The following ZNF385D variants were observed in gnomAD, a reference collection of about 807,000 sequenced individuals.
ZNF385D encodes the protein zinc finger protein 385D, also known as zinc finger protein 659.
ZNF385D carries 15 observed loss-of-function variants against 35.8 expected under a neutral mutation model. The observed-to-expected ratio is 0.42, with a 90% confidence interval of 0.28 to 0.64. The LOEUF (loss-of-function observed/expected upper bound fraction) is 0.64, where lower values mean the gene tolerates loss of function less well. Among genes scored for constraint, ZNF385D ranks in the 30% least tolerant of loss-of-function variants. The probability of loss-of-function intolerance (pLI) is 0.23; values close to 1 mark genes in which losing one functional copy is unlikely to be tolerated. For missense variants in ZNF385D, 474 were observed against 494.6 expected, an observed-to-expected ratio of 0.96 and a Z score of 0.39; for synonymous variants, 212 against 186.8, an observed-to-expected ratio of 1.13 and a Z score of -1.10.
intron 7 of ZNF385D, among the ~76,000 whole-genome samples, chr3:21,422,450 A>G (rs891921168): frequency 1.3e-5 from 2 of 152,148 alleles, no homozygotes; most frequent in Admixed American, 1.3e-4. Context: ...AGATTATTTC[A>G]TCTCCCAAAA....
At chr3:22,091,049 T>A (rs141998674) in intron 3 of ZNF385D, among the ~76,000 whole-genome samples, 86 of 152,232 alleles carry the variant, frequency 5.6e-4, no homozygotes, top group African/African-American at 1.9e-3. Flanking sequence ...TGGGAGTGGA[T>A]TCAACAGGTG....
intron 2 of ZNF385D, among the ~76,000 whole-genome samples, chr3:22,272,339 A>G (rs1701220020): frequency 6.6e-6 from 1 of 152,028 alleles, no homozygotes; most frequent in African/African-American, 2.4e-5. Context: ...TATATCTCCA[A>G]TATCTAAATT....
chr3:21,731,577 A>T (rs6808462), intron 1 of ZNF385D, among the ~76,000 whole-genome samples: 74,898 of 152,056 alleles, frequency 0.49, 18,732 homozygotes, highest in Middle Eastern at 0.58. Context: ...GTAGGTTTGG[A>T]CAAATGTGTA....
chr3:21,561,140 C>CG (rs541145809), intron 3 of ZNF385D, among the ~76,000 whole-genome samples: 2 of 152,128 alleles, frequency 1.3e-5, no homozygotes, highest in African/African-American at 2.4e-5. Context: ...AGCCCCTTTC[C>CG]GGGGGAGTGA....
At chr3:21,973,963 T>G (rs1211744927) in intron 3 of ZNF385D, among the ~76,000 whole-genome samples, 2 of 152,032 alleles carry the variant, frequency 1.3e-5, no homozygotes, top group East Asian at 3.8e-4. Flanking sequence ...CACAGATTGG[T>G]AGAATATATA....
intron 3 of ZNF385D, among the ~76,000 whole-genome samples, chr3:21,893,618 C>T (rs953052331): frequency 1.3e-5 from 2 of 152,116 alleles, no homozygotes; most frequent in East Asian, 1.9e-4. Context: ...AATCAGTTAT[C>T]GTTAGAAGTT....
In ZNF385D at chr3:21,796,995, G is replaced by C. The variant is rs549734309; in HGVS notation, c.326-131967C>G. On this transcript the variant is annotated intron_variant, in intron 3 of 5. Transcript: ENST00000494108. ...GGGTGGCATGATCCATGCAAGAAAG[G>C]CTTGACAAACTGAACTTCATTAAAA... Among the ~76,000 whole-genome samples the C allele has an allele frequency of 8.1e-4, 123 of 152,272 alleles. 1 individual carries two copies. The highest frequency in any genetic ancestry group is 2.8e-3 in the African/African-American group (118 of 41,558).
chr3:21,739,502 A>T (rs2069404634), intron 1 of ZNF385D, among the ~76,000 whole-genome samples: 1 of 152,190 alleles, frequency 6.6e-6, no homozygotes, highest in South Asian at 2.1e-4. Flanking sequence ...TAATGGATAA[A>T]CAAGGTCGAC....
intron 2 of ZNF385D, among the ~76,000 whole-genome samples, chr3:22,357,318 G>C (rs375542598): frequency 6.6e-6 from 1 of 151,922 alleles, no homozygotes; most frequent in East Asian, 1.9e-4. Context: ...TGGTGGACAG[G>C]TTTTCTCACA....
At chr3:22,336,509 A>C (rs2125469758) in intron 2 of ZNF385D, among the ~76,000 whole-genome samples, 1 of 152,232 alleles carries the variant, frequency 6.6e-6, no homozygotes, top group Middle Eastern at 3.4e-3. Flanking sequence ...ACAGAAGTCC[A>C]AGTTATTATT....
intron 2 of ZNF385D, among the ~76,000 whole-genome samples, chr3:22,331,861 G>C (rs1404398247): frequency 6.6e-6 from 1 of 152,136 alleles, no homozygotes; most frequent in African/African-American, 2.4e-5. Context: ...CATCATTTGA[G>C]TTTAGGTAAT....
chr3:22,122,703 T>C lies in ZNF385D; in HGVS notation c.325+46114A>G, dbSNP rs1288117195. 2.6e-5 allele frequency among the ~76,000 whole-genome samples: 4 copies of C among 152,102 alleles called. No homozygotes were observed. In the East Asian group the frequency reaches 7.7e-4, roughly 29 times the overall value. The stretch of plus-strand genomic sequence containing the variant: ...GTATATATATGGGGGAGGTAACAAT[T>C]TGGATATGGAAAGTACCAAGAAAGG... On this transcript the variant is annotated intron_variant, in intron 3 of 5. Coordinates refer to the ZNF385D transcript ENST00000494108.
chr3:22,006,039 A>C (rs1696177081), intron 3 of ZNF385D, among the ~76,000 whole-genome samples: 1 of 152,118 alleles, frequency 6.6e-6, no homozygotes, highest in Admixed American at 6.5e-5. Flanking sequence ...AAAAGAAAGA[A>C]TAGCAGCTTT....
At chr3:21,522,674 T>G (rs1275754055) in intron 3 of ZNF385D, among the ~76,000 whole-genome samples, 1 of 152,054 alleles carries the variant, frequency 6.6e-6, no homozygotes, top group Non-Finnish European at 1.5e-5. Flanking sequence ...CGAAGTGGTT[T>G]GGGGACTAGA....
At chr3:21,490,121 C>A (rs1369225906) in intron 4 of ZNF385D, among the ~76,000 whole-genome samples, 1 of 152,100 alleles carries the variant, frequency 6.6e-6, no homozygotes, top group Admixed American at 6.6e-5. Context: ...TGCTCTCCAA[C>A]TCTTGTTGTC....
chr3:22,126,881 T>C (rs915750372), intron 3 of ZNF385D, among the ~76,000 whole-genome samples: 10 of 152,166 alleles, frequency 6.6e-5, no homozygotes, highest in African/African-American at 2.2e-4. Flanking sequence ...CAGTTATAAT[T>C]GGTATATCAT....
At chr3:22,200,306 G>C (rs947173331) in intron 2 of ZNF385D, among the ~76,000 whole-genome samples, 1 of 152,048 alleles carries the variant, frequency 6.6e-6, no homozygotes, top group Non-Finnish European at 1.5e-5. Context: ...TAAAGGGACA[G>C]AGTACAAAAG....
In ZNF385D at chr3:21,674,308, G is replaced by A. The variant is rs1241902702; in HGVS notation, c.23-9280C>T. On this transcript the variant is annotated intron_variant, in intron 1 of 7. Transcript: ENST00000281523. ...TTGAGGAGGGTGAGGAATGAGTGAG[G>A]GTATCATAATGGAGACCAATGGAGA... Among the ~76,000 whole-genome samples the A allele has an allele frequency of 2.6e-5, 4 of 152,084 alleles. No individual in the cohort carries two copies. The East Asian group carries it at 7.8e-4, about 30-fold the overall frequency.
intron 3 of ZNF385D, among the ~76,000 whole-genome samples, chr3:21,924,019 T>C (rs1700604440): frequency 6.6e-6 from 1 of 152,180 alleles, no homozygotes; most frequent in South Asian, 2.1e-4. Flanking sequence ...AATATATTTA[T>C]GCCTCAAAAT....
Sources: gnomAD v4.1 joint callset for allele counts (sites outside exome capture counted in the v4.1 genomes callset) on GRCh38, gnomAD v4.1.1 for gene constraint, MANE v1.5 for transcripts, NCBI Gene and HGNC (gene_info 2026-07-23, HGNC 2026-07-21) for gene names.